The following FUT8 variants were observed in gnomAD, a reference collection of about 807,000 sequenced individuals.
FUT8 encodes fucosyltransferase 8, also known as alpha-(1,6)-fucosyltransferase.
Under a neutral mutation model 71.3 loss-of-function variants are expected in FUT8, and 29 were observed. The ratio of observed to expected loss-of-function variants is 0.41; its 90% CI spans 0.30 to 0.55. FUT8 has a LOEUF of 0.55. FUT8 is among the 20% of genes least tolerant of loss of function. The pLI is 0.34. For synonymous variants in FUT8, 254 were observed against 239.3 expected, an observed-to-expected ratio of 1.06 and a Z score of -0.57; for missense variants, 544 against 702.1, an observed-to-expected ratio of 0.77 and a Z score of 2.55.
intron 7 of FUT8, among the ~76,000 whole-genome samples, chr14:65,696,143 A>G (rs1382903064): frequency 6.6e-6 from 1 of 152,180 alleles, no homozygotes; most frequent in Admixed American, 6.5e-5. Flanking sequence ...CACTGTAGGT[A>G]AATTAAGAAC....
At chr14:65,546,168 A>C (rs964963736) in intron 2 of FUT8, among the ~76,000 whole-genome samples, 1 of 151,840 alleles carries the variant, frequency 6.6e-6, no homozygotes, top group Non-Finnish European at 1.5e-5. Flanking sequence ...TTAAATCTAT[A>C]TCCTCATGTA....
chr14:65,499,632 G>A (rs2139762330), intron 2 of FUT8, among the ~76,000 whole-genome samples: 1 of 151,994 alleles, frequency 6.6e-6, no homozygotes, highest in Non-Finnish European at 1.5e-5. Context: ...TGAGCAACAA[G>A]CGAGGCCTCA....
chr14:65,538,795 C>G (rs540223460), intron 2 of FUT8, among the ~76,000 whole-genome samples: 1 of 152,254 alleles, frequency 6.6e-6, no homozygotes, highest in African/African-American at 2.4e-5. Context: ...TGGCATGCGC[C>G]TGTAATCCCA....
chr14:65,734,265 A>C (rs888170647), intron 10 of FUT8, among the ~76,000 whole-genome samples: 2 of 152,198 alleles, frequency 1.3e-5, no homozygotes, highest in Non-Finnish European at 2.9e-5. Context: ...TGCTGAGAAG[A>C]AGCGGAGAAA....
the FUT8 span, among the ~76,000 whole-genome samples, chr14:65,404,144 G>A: frequency 2.0e-5 from 3 of 151,296 alleles, no homozygotes; most frequent in Non-Finnish European, 4.4e-5. Context: ...GGGATTACAG[G>A]TGTGAGCCAC....
intron 2 of FUT8, among the ~76,000 whole-genome samples, chr14:65,494,848 A>G (rs138662234): frequency 6.6e-6 from 1 of 152,206 alleles, no homozygotes; most frequent in African/African-American, 2.4e-5. Flanking sequence ...TATTTTTTAT[A>G]CTTAAGGAAG....
chr14:65,374,073 G>C, the FUT8 span, among the ~76,000 whole-genome samples: 2 of 152,206 alleles, frequency 1.3e-5, no homozygotes, highest in Non-Finnish European at 2.9e-5. Flanking sequence ...GAGTCTTTCT[G>C]GGATTCTCAG....
At chr14:65,702,723 A>T (rs968575386) in intron 7 of FUT8, among the ~76,000 whole-genome samples, 3 of 151,868 alleles carry the variant, frequency 2.0e-5, no homozygotes, top group African/African-American at 7.2e-5. Context: ...GGCGTGTGTT[A>T]CATAGGGTAG....
intron 3 of FUT8, among the ~76,000 whole-genome samples, chr14:65,612,654 T>C (rs1889060168): frequency 6.6e-6 from 1 of 152,228 alleles, no homozygotes; most frequent in Non-Finnish European, 1.5e-5. Context: ...GTGAATGTAC[T>C]GGCTCCATCT....
At chr14:65,579,188 T>C (rs1054997254) in intron 3 of FUT8, among the ~76,000 whole-genome samples, 2 of 151,940 alleles carry the variant, frequency 1.3e-5, no homozygotes, top group African/African-American at 4.9e-5. Flanking sequence ...AATAAAAATC[T>C]TCCAAAGAAT....
intron 7 of FUT8, among the ~76,000 whole-genome samples, chr14:65,704,735 A>G (rs1041968533): frequency 1.3e-5 from 2 of 152,224 alleles, no homozygotes; most frequent in African/African-American, 4.8e-5. Context: ...AGAAATATTA[A>G]GAGTGACTTC....
intron 1 of FUT8, among the ~76,000 whole-genome samples, chr14:65,419,795 C>T (rs1396372289): frequency 6.6e-6 from 1 of 152,060 alleles, no homozygotes; most frequent in Non-Finnish European, 1.5e-5. Context: ...CCAAAAGGTC[C>T]TGTCTTATGC....
chr14:65,534,482 G>A lies in FUT8; in HGVS notation c.-227-26855G>A, dbSNP rs543340367. Among the ~76,000 whole-genome samples the A allele has an allele frequency of 2.8e-4, 42 of 150,550 alleles. No homozygotes were observed. In the South Asian group the frequency reaches 6.5e-3, roughly 23 times the overall value. On this transcript the variant is annotated intron_variant, in intron 2 of 10. Coordinates refer to ENST00000673929, the MANE Select transcript of FUT8 (RefSeq NM_001371533.1). ...TTTTGTAATAGTTTTAGTAGGTATG[G>A]TACTAGCTCTTCTTTGTACATCTGG...
chr14:65,502,231 AT>A (rs544705480), intron 2 of FUT8, among the ~76,000 whole-genome samples: 19 of 142,828 alleles, frequency 1.3e-4, no homozygotes, highest in South Asian at 4.4e-4. Flanking sequence ...ATTTATTGTT[AT>A]TTTTTTTTTT....
chr14:65,673,822 G>A (rs1892587331), intron 7 of FUT8, among the ~76,000 whole-genome samples: 1 of 152,188 alleles, frequency 6.6e-6, no homozygotes, highest in Non-Finnish European at 1.5e-5. Context: ...AGAGTAGACA[G>A]AGTTATAAGA....
intron 2 of FUT8, chr14:65,471,131 T>G: frequency 2.2e-6 from 1 of 448,486 alleles, no homozygotes; most frequent in South Asian, 1.6e-5. Flanking sequence ...GAAAGTTCTA[T>G]AGTCCTGTAA....
chr14:65,726,945 T>C (rs775893292), intron 9 of FUT8, among the ~76,000 whole-genome samples: 5 of 152,164 alleles, frequency 3.3e-5, no homozygotes, highest in African/African-American at 4.8e-5. Flanking sequence ...ACAGGCCCCA[T>C]GCAAGTCCGA....
chr14:65,677,899 A>G (rs895037688), intron 7 of FUT8, among the ~76,000 whole-genome samples: 3 of 152,306 alleles, frequency 2.0e-5, no homozygotes, highest in African/African-American at 7.2e-5. Flanking sequence ...GTTTCTGGCT[A>G]AAGCAATCAG....
At chr14:65,698,256 T>C (rs765995091) in intron 7 of FUT8, among the ~76,000 whole-genome samples, 9 of 152,196 alleles carry the variant, frequency 5.9e-5, no homozygotes, top group Admixed American at 1.3e-4. Context: ...AACTAAAATA[T>C]AGATTCTATA....
Sources: allele counts gnomAD v4.1 joint callset (sites outside exome capture counted in the v4.1 genomes callset), GRCh38; gene constraint gnomAD v4.1.1; transcripts MANE v1.5; gene names NCBI Gene and HGNC (gene_info 2026-07-23, HGNC 2026-07-21).